Variants in SLC12A7 observed in about 807,000 individuals in gnomAD.
The protein encoded by SLC12A7 is solute carrier family 12 member 7, also known as K-Cl cotransporter 4.
A neutral mutation model predicts 120.6 loss-of-function variants in SLC12A7; 100 were observed. The observed-to-expected ratio is 0.83, with a 90% CI of 0.71 to 0.98. SLC12A7 has a LOEUF of 0.98. Ranked by LOEUF, SLC12A7 falls within the 50% of genes least tolerant of loss-of-function variation. SLC12A7 has a pLI of 0.00. For synonymous variants in SLC12A7, 760 were observed against 678.0 expected (o/e 1.12, Z -1.88); for missense variants, 1,373 against 1,548.1 (o/e 0.89, Z 1.90).
chr5:1,088,815 G>A (rs551561251), intron 4 of SLC12A7, among the ~76,000 whole-genome samples, 167 bp downstream of exon 4: 57 of 152,318 alleles, frequency 3.7e-4, no homozygotes, highest in African/African-American at 1.3e-3. Context: ...TGGAGGAGAC[G>A]GCGCTGAACG....
At chr5:1,088,440 T>C in intron 4 of SLC12A7, 80 bp from the exon 5 acceptor site, 2 of 1,454,370 alleles carry the variant, frequency 1.4e-6, no homozygotes, top group East Asian at 2.5e-5. Flanking sequence ...TCAGGGTCTA[T>C]GACCCGGCTC....
intron 8 of SLC12A7, among the ~76,000 whole-genome samples, chr5:1,082,892 G>A (rs1739356051): frequency 6.8e-6 from 1 of 147,506 alleles, no homozygotes; most frequent in Admixed American, 6.7e-5. Context: ...CCCGTCTCGG[G>A]TTCTGGAAAG....
At chr5:1,115,936 CTTTTT>C (rs764200065), upstream of SLC12A7, among the ~76,000 whole-genome samples, 223 of 141,490 alleles carry the variant, frequency 1.6e-3, no homozygotes, top group Middle Eastern at 3.6e-3. Context: ...AAAAACAAAC[CTTTTT>C]TTTTTTAAGC....
At chr5:1,081,428 T>G in intron 9 of SLC12A7, 149 bp downstream of exon 9, 1 of 775,824 alleles carries the variant, frequency 1.3e-6, no homozygotes, top group African/African-American at 1.8e-5. Context: ...GAGACTCAGG[T>G]GGGAGGAATA....
At chr5:1,062,568 C>T (rs1407190099) in intron 20 of SLC12A7, among the ~76,000 whole-genome samples, 1 of 152,166 alleles carries the variant, frequency 6.6e-6, no homozygotes, top group Admixed American at 6.5e-5. Flanking sequence ...GGAACTGACA[C>T]AGAAACACAG....
the SLC12A7 span, among the ~76,000 whole-genome samples, chr5:1,154,301 C>G: frequency 6.6e-6 from 1 of 151,744 alleles, no homozygotes; most frequent in African/African-American, 2.4e-5. Flanking sequence ...CAGACCACAG[C>G]TCCCACCACA....
chr5:1,094,204 C>T lies in SLC12A7; in HGVS notation c.169G>A (p.Glu57Lys), dbSNP rs1311878965. The T allele has an allele frequency of 4.3e-6, 7 of 1,613,554 alleles. No individual in the cohort carries two copies. The highest frequency in any genetic ancestry group is 2.7e-5 in the African/African-American group (2 of 74,916). The change falls in exon 2 of 24, where the codon GAG (glutamate) becomes AAG (lysine). Residue 57 changes from glutamate to lysine, a missense_variant. Coordinates refer to ENST00000264930, the MANE Select transcript of SLC12A7 (RefSeq NM_006598.3). Reference protein sequence around the residue: ...RENSPFLNNVEVEQESFFEGK... With the variant: ...RENSPFLNNVKVEQESFFEGK... ...TCAAAGAAGCTCTCTTGTTCCACCT[C>T]GACATTGTTGAGGAATGGGCTGTTT...
At chr5:1,075,913 G>A (rs1738275915) in intron 14 of SLC12A7, 5 of 539,404 alleles carry the variant, frequency 9.3e-6, no homozygotes, top group African/African-American at 1.9e-5. Context: ...GTAACCAGAG[G>A]CCTTCCTCAG....
At chr5:1,119,136 C>T in the SLC12A7 span, among the ~76,000 whole-genome samples, 2 of 152,236 alleles carry the variant, frequency 1.3e-5, no homozygotes, top group East Asian at 3.8e-4. Context: ...GCCAGAGTCG[C>T]TTTTGCAGCG....
At chr5:1,133,293 C>T in the SLC12A7 span, among the ~76,000 whole-genome samples, 2 of 152,194 alleles carry the variant, frequency 1.3e-5, no homozygotes, top group African/African-American at 2.4e-5. Context: ...GGCTGGGAGT[C>T]GCACATGTGG....
At chr5:1,128,255 C>G in the SLC12A7 span, among the ~76,000 whole-genome samples, 1 of 152,308 alleles carries the variant, frequency 6.6e-6, no homozygotes, top group South Asian at 2.1e-4. Context: ...GTTGCTGGAT[C>G]CAAGTTGCCA....
intron 1 of SLC12A7, among the ~76,000 whole-genome samples, chr5:1,095,485 C>G (rs1056628324): frequency 6.6e-6 from 1 of 152,230 alleles, no homozygotes; most frequent in Admixed American, 6.5e-5. Context: ...GTGCTGCACA[C>G]CAGCTCCCCA....
At position 1,051,062 on chromosome 5, in the gene SLC12A7, G is replaced by A. The variant is rs960287565; in HGVS notation, c.*1298C>T. On this transcript the variant is annotated 3_prime_UTR_variant, in exon 24 of 24. Transcript: ENST00000264930. ...CTGGGGTGTTTAAATAAATAAATAT[G>A]CCACATAGAAAGGGAGGCCCAAGTC... is the stretch of plus-strand genomic sequence containing the variant. 7.5e-6 allele frequency: 3 copies of A among 397,496 alleles called. No homozygotes were observed. The Admixed American group carries it at 1.3e-4, about 18-fold the overall frequency. 24.6% of individuals were successfully genotyped at this position (397,496 alleles called of 1,614,324 possible). A position where few individuals can be genotyped will look rare whatever the true frequency, so the allele number is the denominator to read the frequency against.
chr5:1,093,414 G>A lies in SLC12A7; in HGVS notation c.342+119C>T, dbSNP rs1032108397. 11 of 1,014,410 alleles carry A rather than the reference G, an allele frequency of 1.1e-5. No individual in the cohort carries two copies. The East Asian group carries it at 2.7e-4, about 25-fold the overall frequency. The allele number at this position is 1,014,410 out of a possible 1,614,324, so 62.8% of individuals were successfully genotyped here. On this transcript the variant is annotated intron_variant, in intron 3 of 23. Transcript: ENST00000264930. ...CTCCCAGGAAGAAAGGGCTGGACGT[G>A]GCCATGATACCAGAGCTCAGGGCAG...
chr5:1,069,929 C>A (rs187140095), intron 17 of SLC12A7, among the ~76,000 whole-genome samples: 17 of 152,034 alleles, frequency 1.1e-4, no homozygotes, highest in African/African-American at 3.9e-4. Context: ...GGCACTCACC[C>A]GTCCCTCCCC....
chr5:1,056,270 C>T (rs921541525), intron 22 of SLC12A7, among the ~76,000 whole-genome samples: 5 of 152,140 alleles, frequency 3.3e-5, no homozygotes, highest in African/African-American at 9.7e-5. Context: ...CCCTGCGAGG[C>T]GCACGCCTCC....
At chr5:1,102,330 C>T (rs905055527) in intron 1 of SLC12A7, among the ~76,000 whole-genome samples, 8 of 152,224 alleles carry the variant, frequency 5.3e-5, no homozygotes, top group East Asian at 1.9e-4. Context: ...CCTCCCTAAT[C>T]GGCCCTAATC....
At position 1,074,882 on chromosome 5, in the gene SLC12A7, G is replaced by A. The variant is rs367795271; in HGVS notation, c.1968-211C>T. 2.8e-4 allele frequency among the ~76,000 whole-genome samples: 43 copies of A among 152,332 alleles called. No individual in the cohort carries two copies. The East Asian group carries it at 7.1e-3, about 25-fold the overall frequency. On this transcript the variant is annotated intron_variant, in intron 15 of 23. Coordinates refer to ENST00000264930, the MANE Select transcript of SLC12A7 (RefSeq NM_006598.3). ...GGTCAGAGGGTGCTGTGGCTGTGGA[G>A]GGAACGAGGTCTACGTCCAGCATGC...
the SLC12A7 span, among the ~76,000 whole-genome samples, chr5:1,130,380 G>C: frequency 6.6e-6 from 1 of 152,170 alleles, no homozygotes; most frequent in Non-Finnish European, 1.5e-5. Context: ...CTGCGTCTGG[G>C]CAGAGGAGCA....
Sources: allele counts gnomAD v4.1 joint callset (sites outside exome capture counted in the v4.1 genomes callset), GRCh38; gene constraint gnomAD v4.1.1; transcripts MANE v1.5; gene names NCBI Gene and HGNC (gene_info 2026-07-23, HGNC 2026-07-21).